Variants in IRS1 observed in about 807,000 individuals in gnomAD.
IRS1 encodes insulin receptor substrate 1.
Under a neutral mutation model 65.6 loss-of-function variants are expected in IRS1, and 34 were observed. That is an observed-to-expected ratio of 0.52 (90% CI 0.39 to 0.69). The LOEUF (loss-of-function observed/expected upper bound fraction) is 0.69, where lower values mean the gene tolerates loss of function less well. IRS1 is among the 30% of genes least tolerant of loss of function. The pLI is 0.00. For synonymous variants in IRS1, 699 were observed against 683.5 expected (o/e 1.02, Z -0.35); for missense variants, 1,641 against 1,720.2 (o/e 0.95, Z 0.81).
At position 226,795,036 on chromosome 2, in the gene IRS1, G is replaced by A; in HGVS notation, c.3703C>T (p.Gln1235Ter). 3.7e-6 allele frequency: 6 copies of A among 1,612,466 alleles called. No homozygotes were observed. The highest frequency in any genetic ancestry group is 5.1e-6 in the Non-Finnish European group (6 of 1,179,668). The change falls in exon 1 of 2, where the codon CAG (glutamine) becomes TAG (stop). Residue 1235 changes from glutamine (Q) to a stop codon, truncating the protein, a stop_gained. Transcript: ENST00000305123. LOFTEE classifies it high-confidence loss of function. ...DLSAYASISFQKQPEDRQ is the reference protein window; with the variant it reads ...DLSAYASISF ...TACTGACGGTCCTCTGGCTGCTTCT[G>A]GAAACTGATGCTGGCATAGGCGCTT...
intron 1 of IRS1, among the ~76,000 whole-genome samples, chr2:226,753,665 A>G (rs1210712340): frequency 6.6e-6 from 1 of 152,208 alleles, no homozygotes; most frequent in Non-Finnish European, 1.5e-5. Context: ...GTACTCATAA[A>G]TATAGTCTAA....
intron 1 of IRS1, among the ~76,000 whole-genome samples, chr2:226,791,909 C>G (rs943067655): frequency 8.5e-5 from 13 of 152,072 alleles, no homozygotes; most frequent in African/African-American, 1.4e-4. Context: ...CAGATTCCCC[C>G]ACCCCGGGCG....
intron 1 of IRS1, among the ~76,000 whole-genome samples, chr2:226,786,638 T>TAAA (rs773586859): frequency 1.7e-5 from 2 of 116,394 alleles, no homozygotes; most frequent in East Asian, 2.4e-4. Context: ...CTCTCTACCT[T>TAAA]AAAAAAAAAA....
At chr2:226,790,790 G>A (rs891000553) in intron 1 of IRS1, among the ~76,000 whole-genome samples, 1 of 152,126 alleles carries the variant, frequency 6.6e-6, no homozygotes, top group Non-Finnish European at 1.5e-5. Flanking sequence ...GGCCAAATCT[G>A]AACACATTTT....
chr2:226,769,686 A>G (rs1939126883), intron 1 of IRS1, among the ~76,000 whole-genome samples: 1 of 152,258 alleles, frequency 6.6e-6, no homozygotes, highest in South Asian at 2.1e-4. Context: ...GGAATGAGGC[A>G]GATAACAGGG....
Position 226,795,801 on chromosome 2 carries a change from G to C in IRS1, c.2938C>G (p.Arg980Gly). Residue 980 changes from arginine (R) to glycine (G), a missense_variant, in exon 1 of 2, where the codon CGG becomes GGG. Physicochemically the swap from Arg to Gly is moderately radical, Grantham distance 125. Coordinates refer to ENST00000305123, the MANE Select transcript of IRS1 (RefSeq NM_005544.3). ...PGAASICRPTRAVPSSRGDYM... is the reference protein window; with the variant it reads ...PGAASICRPTGAVPSSRGDYM... ...TCACCCCGGCTGCTGGGCACTGCCCGGGTAGGCCTGCAAATGCTAGCAGCC... is the reference window on the plus strand; with the variant it reads ...TCACCCCGGCTGCTGGGCACTGCCCCGGTAGGCCTGCAAATGCTAGCAGCC... 6.2e-7 allele frequency: 1 copy of C among 1,613,032 alleles called. No individual in the cohort carries two copies. The highest frequency in any genetic ancestry group is 8.5e-7 in the Non-Finnish European group (1 of 1,179,798).
At position 226,768,980 on chromosome 2, in the gene IRS1, G is replaced by C. The variant is rs141763014; in HGVS notation, c.*21+26009C>G. On this transcript the variant is annotated intron_variant, in intron 1 of 1. Coordinates refer to ENST00000305123, the MANE Select transcript of IRS1 (RefSeq NM_005544.3). ...AGAGCTCACTGAGGCAAGACAGATG[G>C]TGCCTTCAGTGACCCATTCTCTAAC... Among the ~76,000 whole-genome samples the C allele has an allele frequency of 6.6e-5, 10 of 152,322 alleles. No individual in the cohort carries two copies. The East Asian group carries it at 1.7e-3, about 26-fold the overall frequency.
At chr2:226,770,535 A>G (rs1939142477) in intron 1 of IRS1, among the ~76,000 whole-genome samples, 1 of 152,212 alleles carries the variant, frequency 6.6e-6, no homozygotes. Context: ...CAAAATAGTG[A>G]ATGGCTTTAC....
At chr2:226,771,933 T>C (rs949088027) in intron 1 of IRS1, among the ~76,000 whole-genome samples, 2 of 152,232 alleles carry the variant, frequency 1.3e-5, no homozygotes, top group African/African-American at 4.8e-5. Flanking sequence ...GCTTGTAACA[T>C]AATTTAGCCC....
intron 1 of IRS1, among the ~76,000 whole-genome samples, chr2:226,760,646 T>C (rs561808741): frequency 1.8e-4 from 28 of 152,102 alleles, no homozygotes; most frequent in Non-Finnish European, 2.9e-4. Context: ...GATGAACAAG[T>C]GCACAGCTGG....
chr2:226,756,470 T>A (rs1039819621), intron 1 of IRS1, among the ~76,000 whole-genome samples: 1 of 152,048 alleles, frequency 6.6e-6, no homozygotes, highest in African/African-American at 2.4e-5. Context: ...TTAATGAGGA[T>A]GAAGAAAAGA....
At position 226,791,871 on chromosome 2, in the gene IRS1, G is replaced by T. The variant is rs977291853; in HGVS notation, c.*21+3118C>A. On this transcript the variant is annotated intron_variant, in intron 1 of 1. Transcript: ENST00000305123. ...CCCTGGATGACCCGAGACGGGCGGGGGCGGGAGACCCGAGGGCGGTCTGGC... is the reference window on the plus strand; with the variant it reads ...CCCTGGATGACCCGAGACGGGCGGGTGCGGGAGACCCGAGGGCGGTCTGGC... Among the ~76,000 whole-genome samples the T allele has an allele frequency of 2.6e-4, 39 of 152,256 alleles. No homozygotes were observed. In the East Asian group the frequency reaches 6.8e-3, roughly 26 times the overall value.
At chr2:226,736,598 G>A (rs888967764) in intron 1 of IRS1, among the ~76,000 whole-genome samples, 15 of 152,070 alleles carry the variant, frequency 9.9e-5, no homozygotes, top group African/African-American at 1.7e-4. Flanking sequence ...ATGACCATCC[G>A]ACATGAGCGG....
intron 1 of IRS1, among the ~76,000 whole-genome samples, chr2:226,789,894 C>T (rs571206826): frequency 6.6e-6 from 1 of 152,254 alleles, no homozygotes; most frequent in African/African-American, 2.4e-5. Flanking sequence ...CTCGAAAATG[C>T]CCCCTTGAAG....
At chr2:226,762,569 C>T (rs1241740272) in intron 1 of IRS1, among the ~76,000 whole-genome samples, 1 of 152,110 alleles carries the variant, frequency 6.6e-6, no homozygotes, top group Admixed American at 6.6e-5. Context: ...CTCAACTCTG[C>T]CATTGTAGCT....
At chr2:226,740,279 T>A (rs1216004840) in intron 1 of IRS1, among the ~76,000 whole-genome samples, 1 of 152,242 alleles carries the variant, frequency 6.6e-6, no homozygotes, top group Admixed American at 6.5e-5. Flanking sequence ...ATCTACTATG[T>A]CCTTCTGCGT....
Position 226,796,183 on chromosome 2 carries a change from A to G in IRS1, c.2556T>C (p.Asn852=), listed in dbSNP as rs1300781832. 6.2e-7 allele frequency: 1 copy of G among 1,613,508 alleles called. No individual in the cohort carries two copies. The highest frequency in any genetic ancestry group is 8.5e-7 in the Non-Finnish European group (1 of 1,179,986). ...GCCTCGTGGGCCGGGCCAGGCGGCTATTGGTCTGAGCAGCTGTGTCCACCT... is the reference window on the plus strand; with the variant it reads ...GCCTCGTGGGCCGGGCCAGGCGGCTGTTGGTCTGAGCAGCTGTGTCCACCT... ...PRKVDTAAQT[N]SRLARPTRLS... is the part of the protein sequence containing the mutation. Residue 852 remains asparagine, a synonymous_variant, in exon 1 of 2, where the codon AAT becomes AAC. Coordinates refer to ENST00000305123, the MANE Select transcript of IRS1 (RefSeq NM_005544.3).
chr2:226,798,637 C>T lies in IRS1; in HGVS notation c.102G>A (p.Ala34=). 3.1e-6 allele frequency: 5 copies of T among 1,613,012 alleles called. No individual in the cohort carries two copies. The South Asian group carries it at 4.4e-5, about 14-fold the overall frequency. Residue 34 remains alanine, a synonymous_variant, in exon 1 of 2, where the codon GCG becomes GCA. Coordinates refer to ENST00000305123, the MANE Select transcript of IRS1 (RefSeq NM_005544.3). The surrounding 1 kb of genome is among the most constrained non-coding windows in gnomAD (Gnocchi z 9.4). ...GCGCCGGGCCCCCAGCCTCGCTGGC[C>T]GCGCGCAGTACGAAGAAGCGTTTGT... ...SMHKRFFVLR[A]ASEAGGPARL... is the part of the protein sequence containing the mutation.
At position 226,799,351 on chromosome 2, in the gene IRS1, T is replaced by C. The variant is rs1168381314; in HGVS notation, c.-613A>G. 80 of 1,257,330 alleles carry C rather than the reference T, an allele frequency of 6.4e-5. No homozygotes were observed. The highest frequency in any genetic ancestry group is 7.6e-5 in the Non-Finnish European group (74 of 968,138). The allele number at this position is 1,257,330 out of a possible 1,614,324, so 77.9% of individuals were successfully genotyped here. A position where few individuals can be genotyped will look rare whatever the true frequency, so the allele number is the denominator to read the frequency against. On this transcript the variant is annotated 5_prime_UTR_variant, in exon 1 of 2. Transcript: ENST00000305123. The surrounding 1 kb of genome is among the most constrained non-coding windows in gnomAD (Gnocchi z 6.1). ...AGCTCAGTCGCAGAGACCGCGGCGC[T>C]GCGGCTGTTGCTGTTGCTGCTGCTG...
Sources: gnomAD v4.1 joint callset for allele counts (sites outside exome capture counted in the v4.1 genomes callset) on GRCh38, gnomAD v4.1.1 for gene constraint, Gnocchi (gnomAD v3.1) non-coding constraint, MANE v1.5 for transcripts, NCBI Gene and HGNC (gene_info 2026-07-23, HGNC 2026-07-21) for gene names.